The following RELN variants were observed in gnomAD, a reference collection of about 807,000 sequenced individuals.
RELN encodes reelin.
RELN carries 108 observed loss-of-function variants against 427.6 expected under a neutral mutation model. That is an observed-to-expected ratio of 0.25 (90% confidence interval 0.22 to 0.30). The LOEUF is 0.30. RELN is among the 10% of genes least tolerant of loss of function. The probability of loss-of-function intolerance (pLI) is 1.00; values close to 1 mark genes in which losing one functional copy is unlikely to be tolerated. For missense variants in RELN, 3,715 were observed against 4,302.8 expected (o/e 0.86, Z 3.82); for synonymous variants, 1,524 against 1,513.4 (o/e 1.01, Z -0.16).
intron 8 of RELN, among the ~76,000 whole-genome samples, chr7:103,703,380 C>T (rs1858782): frequency 0.21 from 31,979 of 152,104 alleles, 4,137 homozygotes; most frequent in African/African-American, 0.36. Flanking sequence ...AGAATAAGCT[C>T]TGTTCTTGCC....
intron 1 of RELN, among the ~76,000 whole-genome samples, chr7:103,976,923 G>A (rs1472271863): frequency 1.3e-5 from 2 of 152,024 alleles, no homozygotes; most frequent in Non-Finnish European, 2.9e-5. Context: ...ATGGTGGCAC[G>A]TGCCTGTAAT....
chr7:103,897,269 A>T (rs1477059143), intron 2 of RELN, among the ~76,000 whole-genome samples: 1 of 152,136 alleles, frequency 6.6e-6, no homozygotes, highest in Admixed American at 6.6e-5. Context: ...AACACACAAT[A>T]TAAAACCATG....
chr7:103,511,128 T>C (rs139584328), intron 50 of RELN, 123 bp from the exon 51 acceptor site: 33 of 709,246 alleles, frequency 4.7e-5, no homozygotes, highest in African/African-American at 3.7e-4. Flanking sequence ...ATACACTCTA[T>C]AGACAAAACA....
intron 3 of RELN, among the ~76,000 whole-genome samples, chr7:103,797,742 A>G (rs1401919254): frequency 6.6e-6 from 1 of 152,072 alleles, no homozygotes; most frequent in Non-Finnish European, 1.5e-5. Context: ...TTCTGGAAGG[A>G]GAGATAAGGG....
chr7:103,960,835 T>C (rs182970174), intron 1 of RELN, among the ~76,000 whole-genome samples: 1 of 152,330 alleles, frequency 6.6e-6, no homozygotes, highest in African/African-American at 2.4e-5. Flanking sequence ...CTGCATCAAC[T>C]AGAAATGGCA....
In RELN at chr7:103,471,836, G is replaced by A. The variant is rs780410059; in HGVS notation, c.*976C>T. 6.6e-6 allele frequency: 1 copy of A among 152,486 alleles called. No individual in the cohort carries two copies. Among genetic ancestry groups the A allele is most frequent in the Non-Finnish European group, 1.5e-5 (1 of 68,022 alleles). The allele number at this position is 152,486 out of a possible 1,614,324, so 9.4% of individuals were successfully genotyped here. Reference sequence around the variant, plus strand: ...TTTAAGCATGGGCTTTTATAGCTTGGTTCACCCTAGAGTGCAACCTTTCAG... The same window carrying A: ...TTTAAGCATGGGCTTTTATAGCTTGATTCACCCTAGAGTGCAACCTTTCAG... On this transcript the variant is annotated 3_prime_UTR_variant, in exon 65 of 65. Transcript: ENST00000428762.
intron 12 of RELN, among the ~76,000 whole-genome samples, chr7:103,659,110 C>A (rs1265934928): frequency 6.6e-6 from 1 of 151,862 alleles, no homozygotes; most frequent in Non-Finnish European, 1.5e-5. Context: ...AATAGAATTT[C>A]TCCCTTCATA....
chr7:103,975,767 C>T (rs1319029191), intron 1 of RELN, among the ~76,000 whole-genome samples: 1 of 147,526 alleles, frequency 6.8e-6, no homozygotes, highest in South Asian at 2.1e-4. Context: ...AGGATGGTCT[C>T]GATCTCCTGA....
At chr7:103,485,704 C>A (rs972333983) in intron 61 of RELN, among the ~76,000 whole-genome samples, 3 of 152,116 alleles carry the variant, frequency 2.0e-5, no homozygotes, top group Non-Finnish European at 4.4e-5. Flanking sequence ...AGCAATTTAA[C>A]CCTCAGCAAT....
chr7:103,803,883 A>C (rs542606082), intron 3 of RELN, among the ~76,000 whole-genome samples: 2 of 152,226 alleles, frequency 1.3e-5, no homozygotes, highest in Admixed American at 1.3e-4. Context: ...ACTGGGGTTC[A>C]CTAGATATTT....
intron 2 of RELN, among the ~76,000 whole-genome samples, chr7:103,896,035 G>A (rs1794951984): frequency 6.6e-6 from 1 of 151,998 alleles, no homozygotes; most frequent in South Asian, 2.1e-4. Context: ...TGTAAGATTT[G>A]AACAGACCCT....
intron 7 of RELN, among the ~76,000 whole-genome samples, chr7:103,726,486 C>CAATTCA (rs1790215325): frequency 6.6e-6 from 1 of 152,052 alleles, no homozygotes; most frequent in Non-Finnish European, 1.5e-5. Flanking sequence ...TTATAAAACA[C>CAATTCA]AATTCAAAAT....
intron 9 of RELN, among the ~76,000 whole-genome samples, chr7:103,700,444 G>T (rs2115793444): frequency 6.6e-6 from 1 of 152,166 alleles, no homozygotes; most frequent in African/African-American, 2.4e-5. Context: ...TTTAGAACTG[G>T]CCTTAGGGAA....
At chr7:103,746,994 G>T (rs1297714320) in intron 6 of RELN, among the ~76,000 whole-genome samples, 2 of 152,138 alleles carry the variant, frequency 1.3e-5, no homozygotes, top group Non-Finnish European at 2.9e-5. Context: ...ATTCACAATA[G>T]CAAAGACTTG....
At chr7:103,751,980 GA>G (rs1791014029) in intron 5 of RELN, among the ~76,000 whole-genome samples, 1 of 152,118 alleles carries the variant, frequency 6.6e-6, no homozygotes, top group Non-Finnish European at 1.5e-5. Context: ...AATCTTCACT[GA>G]CACAAATGAG....
chr7:103,714,331 G>C (rs978053820), intron 8 of RELN, among the ~76,000 whole-genome samples: 1 of 152,014 alleles, frequency 6.6e-6, no homozygotes, highest in Non-Finnish European at 1.5e-5. Context: ...TTACCTTACT[G>C]TACATCATAT....
intron 11 of RELN, among the ~76,000 whole-genome samples, chr7:103,665,872 G>A (rs1584389968): frequency 1.4e-5 from 2 of 145,400 alleles, no homozygotes; most frequent in South Asian, 2.2e-4. Flanking sequence ...TCTATTCTCC[G>A]TGTCTCTCAC....
chr7:103,866,573 T>C (rs1794202434), intron 2 of RELN, among the ~76,000 whole-genome samples: 1 of 152,080 alleles, frequency 6.6e-6, no homozygotes, highest in African/African-American at 2.4e-5. Flanking sequence ...ACTAAATGGT[T>C]ATTTTTATTT....
intron 20 of RELN, among the ~76,000 whole-genome samples, chr7:103,627,728 G>A (rs1023904400): frequency 6.6e-6 from 1 of 152,144 alleles, no homozygotes; most frequent in Non-Finnish European, 1.5e-5. Flanking sequence ...TGCTCAAGGT[G>A]CCCATGGGGA....
Sources: allele counts gnomAD v4.1 joint callset (sites outside exome capture counted in the v4.1 genomes callset), GRCh38; gene constraint gnomAD v4.1.1; transcripts MANE v1.5; gene names NCBI Gene and HGNC (gene_info 2026-07-23, HGNC 2026-07-21).